DMD: variants seen among roughly 807,000 people sequenced by gnomAD.
DMD encodes dystrophin, also known as mutant dystrophin.
DMD carries 63 observed loss-of-function variants against 330.1 expected under a neutral mutation model. The observed-to-expected ratio is 0.19, with a 90% confidence interval of 0.16 to 0.24. The LOEUF (loss-of-function observed/expected upper bound fraction) is 0.24. DMD is among the 10% of genes least tolerant of loss of function. The probability of loss-of-function intolerance (pLI) is 1.00; values close to 1 mark genes in which losing one functional copy is unlikely to be tolerated. For synonymous variants in DMD, 1,223 were observed against 959.8 expected (o/e 1.27, Z -5.07); for missense variants, 3,344 against 2,684.1 (o/e 1.25, Z -5.43).
In DMD at chrX:31,449,789, T is replaced by G. The variant is rs866900978; in HGVS notation, c.8938-5162A>C. Among the ~76,000 whole-genome samples the G allele has an allele frequency of 4.4e-5, 4 of 91,482 alleles. No homozygotes were observed. The East Asian group carries it at 1.3e-3, about 30-fold the overall frequency. 79.4% of individuals were successfully genotyped at this position (91,482 alleles called of 115,157 possible). On this transcript the variant is annotated intron_variant, in intron 59 of 78. Coordinates refer to ENST00000357033, the MANE Select transcript of DMD (RefSeq NM_004006.3). ...ATATATATATATATATATATATATA[T>G]ATATATATAGATAGATAGATAGATA...
intron 43 of DMD, among the ~76,000 whole-genome samples, chrX:32,238,985 AAC>A (rs1049008281): frequency 8.9e-6 from 1 of 111,762 alleles, no homozygotes; most frequent in Non-Finnish European, 1.9e-5. Context: ...TTTTATTTTT[AAC>A]ATCTATTATT....
intron 55 of DMD, among the ~76,000 whole-genome samples, chrX:31,510,201 G>A (rs2071351411): frequency 1.8e-5 from 2 of 111,630 alleles, no homozygotes; most frequent in South Asian, 3.8e-4. Flanking sequence ...GCAGATGAGA[G>A]CACTGAGACT....
chrX:31,179,204 C>G (rs1055491993), intron 69 of DMD, among the ~76,000 whole-genome samples: 5 of 112,681 alleles, frequency 4.4e-5, no homozygotes, highest in African/African-American at 1.6e-4. Context: ...GCATGCTTCA[C>G]CCACTAAATT....
intron 44 of DMD, among the ~76,000 whole-genome samples, chrX:32,135,970 T>G (rs891768842): frequency 8.9e-6 from 1 of 111,762 alleles, no homozygotes; most frequent in Non-Finnish European, 1.9e-5. Context: ...ATTGGCATTA[T>G]AAAACCATTT....
Position 31,928,259 on chromosome X carries a change from A to C in DMD, c.6912+1337T>G, listed in dbSNP as rs192783155. The stretch of plus-strand genomic sequence containing the variant: ...AGAGGCTACTAGCGGATGGGAAGAG[A>C]GAGAAAGGGGAACTATTGCTTAATG... On this transcript the variant is annotated intron_variant, in intron 47 of 78. Coordinates refer to ENST00000357033, the MANE Select transcript of DMD (RefSeq NM_004006.3). 3.2e-4 allele frequency among the ~76,000 whole-genome samples: 36 copies of C among 111,548 alleles called. No individual in the cohort carries two copies. The East Asian group carries it at 0.01, about 31-fold the overall frequency.
chrX:32,280,167 A>ATATATATATATATACAG (rs1569555744), intron 43 of DMD, among the ~76,000 whole-genome samples: 46 of 38,837 alleles, frequency 1.2e-3, no homozygotes, highest in African/African-American at 6.6e-3. Flanking sequence ...TATATACAGT[A>ATATATATATATATACAG]TATATATATA....
At chrX:31,852,614 G>C (rs181109140) in intron 48 of DMD, among the ~76,000 whole-genome samples, 209 of 111,464 alleles carry the variant, frequency 1.9e-3, no homozygotes, top group Non-Finnish European at 3.3e-3. Flanking sequence ...AAAGAAAAAA[G>C]TTGGCCAACA....
At chrX:32,054,197 T>C (rs2096144849) in intron 44 of DMD, among the ~76,000 whole-genome samples, 1 of 108,807 alleles carries the variant, frequency 9.2e-6, no homozygotes, top group African/African-American at 3.3e-5. Flanking sequence ...TTTCTTCTTT[T>C]TTTTTTTTAT....
chrX:31,814,974 G>T (rs1158053834), intron 50 of DMD, among the ~76,000 whole-genome samples: 1 of 112,208 alleles, frequency 8.9e-6, no homozygotes, highest in Non-Finnish European at 1.9e-5. Flanking sequence ...GAGATGGGGA[G>T]TAGAGGTGCT....
chrX:32,418,244 A>G (rs948498589), intron 29 of DMD, among the ~76,000 whole-genome samples: 2 of 111,333 alleles, frequency 1.8e-5, no homozygotes, highest in Non-Finnish European at 3.8e-5. Context: ...CAAACTACTA[A>G]CACAGTCCAC....
At chrX:32,170,342 C>T (rs185847850) in intron 44 of DMD, among the ~76,000 whole-genome samples, 132 of 108,802 alleles carry the variant, frequency 1.2e-3, no homozygotes, top group Middle Eastern at 4.7e-3. Context: ...AGGGGTGGTG[C>T]ACACCTGTAA....
intron 59 of DMD, among the ~76,000 whole-genome samples, chrX:31,466,227 G>A (rs1371008946): frequency 8.9e-6 from 1 of 112,096 alleles, no homozygotes; most frequent in Non-Finnish European, 1.9e-5. Context: ...ATTGCTTTTG[G>A]TGTTTTAGTC....
chrX:33,095,964 A>ATTTTT (rs35906927), intron 1 of DMD, among the ~76,000 whole-genome samples: 12 of 51,552 alleles, frequency 2.3e-4, no homozygotes, highest in Non-Finnish European at 3.6e-4. Context: ...TTCTTCCAGA[A>ATTTTT]TTTTTTTTTT....
chrX:32,028,356 T>C (rs962149382), intron 44 of DMD, among the ~76,000 whole-genome samples: 20 of 111,133 alleles, frequency 1.8e-4, no homozygotes, highest in African/African-American at 5.9e-4. Context: ...AGAAAGAAGA[T>C]GCCAGGATGG....
At chrX:33,006,120 T>C (rs1339146767) in intron 2 of DMD, among the ~76,000 whole-genome samples, 1 of 111,751 alleles carries the variant, frequency 8.9e-6, no homozygotes, top group Non-Finnish European at 1.9e-5. Flanking sequence ...GGTGAAATAT[T>C]CAGTGTTCAT....
At chrX:32,674,869 C>T (rs1032530037) in intron 9 of DMD, among the ~76,000 whole-genome samples, 1 of 111,132 alleles carries the variant, frequency 9.0e-6, no homozygotes, top group Non-Finnish European at 1.9e-5. Flanking sequence ...TTGAGCAAAC[C>T]TTGAACTCTT....
At chrX:31,981,389 ACTG>A (rs2095475193) in intron 44 of DMD, among the ~76,000 whole-genome samples, 1 of 111,855 alleles carries the variant, frequency 8.9e-6, no homozygotes, top group South Asian at 3.7e-4. Flanking sequence ...GATGTGTGCC[ACTG>A]TATGGACAAC....
intron 74 of DMD, among the ~76,000 whole-genome samples, chrX:31,167,066 T>C (rs1803172433): frequency 8.9e-6 from 1 of 112,090 alleles, no homozygotes; most frequent in Admixed American, 9.4e-5. Context: ...TCCTCATAGA[T>C]AGTCCCTCAA....
chrX:31,576,287 T>C (rs1448887383), intron 55 of DMD, among the ~76,000 whole-genome samples: 1 of 112,106 alleles, frequency 8.9e-6, no homozygotes, highest in East Asian at 2.8e-4. Context: ...GGTAGGCAAG[T>C]ATGTTTTATA....
Sources: gnomAD v4.1 joint callset for allele counts (sites outside exome capture counted in the v4.1 genomes callset) on GRCh38, gnomAD v4.1.1 for gene constraint, MANE v1.5 for transcripts, NCBI Gene and HGNC (gene_info 2026-07-23, HGNC 2026-07-21) for gene names.